Variants in TFDP2 observed in about 807,000 individuals in gnomAD.
The protein encoded by TFDP2 is transcription factor Dp-2, also known as transcription factor Dp-2 (E2F dimerization partner 2).
TFDP2 carries 17 observed loss-of-function variants against 59.3 expected under a neutral mutation model. The observed-to-expected ratio is 0.29, with a 90% CI of 0.20 to 0.43. The LOEUF (loss-of-function observed/expected upper bound fraction) is 0.43, where lower values mean the gene tolerates loss of function less well. Ranked by LOEUF, TFDP2 falls within the 20% of genes least tolerant of loss-of-function variation. TFDP2 has a pLI of 1.00. For synonymous variants in TFDP2, 180 were observed against 194.7 expected (o/e 0.92, Z 0.63); for missense variants, 391 against 528.8 (o/e 0.74, Z 2.56).
At position 141,987,611 on chromosome 3, in the gene TFDP2, C is replaced by T. The variant is rs138445231; in HGVS notation, c.356+5927G>A. ...GTGTGTGTGTGTGTGTGTATGCGTGCGTGCATGTGTGTGTGTTTTAAAGAC... is the reference window on the plus strand; with the variant it reads ...GTGTGTGTGTGTGTGTGTATGCGTGTGTGCATGTGTGTGTGTTTTAAAGAC... On this transcript the variant is annotated intron_variant, in intron 6 of 12. Coordinates refer to ENST00000489671, the MANE Select transcript of TFDP2 (RefSeq NM_001178139.2). 4.7e-5 allele frequency among the ~76,000 whole-genome samples: 7 copies of T among 148,924 alleles called. No individual in the cohort carries two copies. The East Asian group carries it at 6.2e-4, about 13-fold the overall frequency.
At chr3:142,072,208 G>C (rs1355460810) in intron 3 of TFDP2, among the ~76,000 whole-genome samples, 1 of 152,204 alleles carries the variant, frequency 6.6e-6, no homozygotes, top group African/African-American at 2.4e-5. Context: ...ACTATGTGCA[G>C]TTGCTCATTT....
In TFDP2 at chr3:141,959,711, T is replaced by C. The variant is rs746647521; in HGVS notation, c.1014A>G (p.Lys338=). 6.2e-7 allele frequency: 1 copy of C among 1,614,028 alleles called. No individual in the cohort carries two copies. Among genetic ancestry groups the C allele is most frequent in the African/African-American group, 1.3e-5 (1 of 74,924 alleles). ...KCSLEDLKLA[K]SLVPKALEGY... ...CTTCTAAAGCCTTTGGCACCAGGGA[T>C]TTCGCAAGTTTCAGATCCTCCAGAG... Residue 338 remains lysine, a synonymous_variant, in exon 11 of 13, where the codon AAA becomes AAG. Transcript: ENST00000489671.
At chr3:142,023,122 CAAAAAAAAAAAAA>C (rs765096570) in intron 3 of TFDP2, among the ~76,000 whole-genome samples, 2 of 59,602 alleles carry the variant, frequency 3.4e-5, no homozygotes, top group Non-Finnish European at 5.5e-5. Flanking sequence ...CCCTCCGTCT[CAAAAAAAAAAAAA>C]AAAAAAAAGA....
At chr3:142,072,084 GA>G (rs1478104261) in intron 3 of TFDP2, among the ~76,000 whole-genome samples, 10 of 152,076 alleles carry the variant, frequency 6.6e-5, no homozygotes, top group African/African-American at 2.4e-4. Context: ...GAAGACAAAG[GA>G]AATCTAATAG....
At chr3:142,038,613 G>GA (rs1288003994) in intron 3 of TFDP2, among the ~76,000 whole-genome samples, 3 of 151,840 alleles carry the variant, frequency 2.0e-5, no homozygotes, top group African/African-American at 7.3e-5. Context: ...GCTCATGTCA[G>GA]AAAAAACTGC....
chr3:142,148,266 G>A (rs2063244088), intron 1 of TFDP2, among the ~76,000 whole-genome samples: 1 of 152,062 alleles, frequency 6.6e-6, no homozygotes, highest in Non-Finnish European at 1.5e-5. Flanking sequence ...CCTCTGAGAT[G>A]GAATGAGGAA....
At chr3:141,992,425 G>T (rs1288893693) in intron 6 of TFDP2, among the ~76,000 whole-genome samples, 3 of 152,108 alleles carry the variant, frequency 2.0e-5, no homozygotes, top group Non-Finnish European at 4.4e-5. Flanking sequence ...GAGAATCTTG[G>T]TTTTTGTACT....
At chr3:142,115,519 C>A (rs1243724559) in intron 1 of TFDP2, among the ~76,000 whole-genome samples, 1 of 152,052 alleles carries the variant, frequency 6.6e-6, no homozygotes. Flanking sequence ...GGGGTTTCAC[C>A]GTGTTAGCCA....
intron 8 of TFDP2, 123 bp from the exon 9 acceptor site, chr3:141,970,264 T>A: frequency 1.2e-6 from 1 of 835,872 alleles, no homozygotes; most frequent in Non-Finnish European, 1.9e-6. Flanking sequence ...TTTAACAATA[T>A]GAATAAAGAC....
intron 7 of TFDP2, among the ~76,000 whole-genome samples, chr3:141,976,677 A>G (rs1014457909): frequency 6.6e-6 from 1 of 152,158 alleles, no homozygotes; most frequent in African/African-American, 2.4e-5. Context: ...GAGACAGTGC[A>G]TAGCAGAAGA....
chr3:142,012,745 G>C (rs1944819983), intron 3 of TFDP2, among the ~76,000 whole-genome samples: 1 of 152,006 alleles, frequency 6.6e-6, no homozygotes. Flanking sequence ...ATTTAATAGT[G>C]GTTAGCACTG....
chr3:141,967,164 C>G (rs904107683), intron 9 of TFDP2, among the ~76,000 whole-genome samples: 2 of 151,670 alleles, frequency 1.3e-5, no homozygotes, highest in Non-Finnish European at 2.9e-5. Flanking sequence ...ATCTGCCCAC[C>G]TCGGCCTCCC....
At chr3:141,984,057 C>T (rs539343459) in intron 6 of TFDP2, among the ~76,000 whole-genome samples, 2 of 141,760 alleles carry the variant, frequency 1.4e-5, no homozygotes, top group South Asian at 2.2e-4. Context: ...GTGGAAGCAA[C>T]CCAACTGCCC....
At chr3:141,988,388 T>G (rs1942371748) in intron 6 of TFDP2, among the ~76,000 whole-genome samples, 1 of 152,166 alleles carries the variant, frequency 6.6e-6, no homozygotes, top group Non-Finnish European at 1.5e-5. Context: ...TCCTTTATTT[T>G]GTACAAAATC....
At chr3:142,000,359 T>C (rs1213995036) in intron 4 of TFDP2, 1 of 702,060 alleles carries the variant, frequency 1.4e-6, no homozygotes, top group Admixed American at 2.0e-5. Flanking sequence ...TGCATCCTAA[T>C]AGCAGAAAGG....
chr3:142,050,686 C>T (rs1011080732), intron 3 of TFDP2, among the ~76,000 whole-genome samples: 3 of 151,060 alleles, frequency 2.0e-5, no homozygotes, highest in Admixed American at 6.6e-5. Flanking sequence ...ACAGACAGAG[C>T]GAGACTCTGT....
intron 9 of TFDP2, among the ~76,000 whole-genome samples, chr3:141,969,341 G>A (rs1289382188): frequency 6.7e-6 from 1 of 148,300 alleles, no homozygotes; most frequent in Non-Finnish European, 1.5e-5. Flanking sequence ...GACCCAGTGT[G>A]GTGGCTCATG....
chr3:141,966,407 G>C (rs1035146034), intron 9 of TFDP2, among the ~76,000 whole-genome samples: 1 of 151,744 alleles, frequency 6.6e-6, no homozygotes, highest in Non-Finnish European at 1.5e-5. Flanking sequence ...TCCTGACCTT[G>C]TGATCTGCCC....
chr3:141,994,862 A>C, intron 5 of TFDP2, 158 bp downstream of exon 5: 1 of 546,758 alleles, frequency 1.8e-6, no homozygotes, highest in Middle Eastern at 5.2e-4. Context: ...GAGATTATTT[A>C]TATCTAAGAT....
Sources: gnomAD v4.1 joint callset for allele counts (sites outside exome capture counted in the v4.1 genomes callset) on GRCh38, gnomAD v4.1.1 for gene constraint, MANE v1.5 for transcripts, NCBI Gene and HGNC (gene_info 2026-07-23, HGNC 2026-07-21) for gene names.